The following ATAD1 variants were observed in gnomAD, a reference collection of about 807,000 sequenced individuals.
ATAD1 encodes the protein ATPase family AAA domain containing 1.
A neutral mutation model predicts 42.7 loss-of-function variants in ATAD1; 18 were observed. The ratio of observed to expected loss-of-function variants is 0.42; its 90% CI spans 0.29 to 0.63. The LOEUF (loss-of-function observed/expected upper bound fraction) is 0.63. Ranked by LOEUF, ATAD1 falls within the 20% of genes least tolerant of loss-of-function variation. The probability of loss-of-function intolerance (pLI) is 0.19; values close to 1 mark genes in which losing one functional copy is unlikely to be tolerated. For synonymous variants in ATAD1, 132 were observed against 143.1 expected (o/e 0.92, Z 0.55); for missense variants, 294 against 440.4 (o/e 0.67, Z 2.98).
upstream of ATAD1, among the ~76,000 whole-genome samples, chr10:87,822,017 G>A (rs1857640879): frequency 6.6e-6 from 1 of 152,202 alleles, no homozygotes; most frequent in Admixed American, 6.5e-5. Flanking sequence ...AGAAATCAAG[G>A]CAAGGAAGCC....
At chr10:87,790,197 T>G in intron 4 of ATAD1, 113 bp downstream of exon 4, 1 of 1,249,468 alleles carries the variant, frequency 8.0e-7, no homozygotes, top group South Asian at 1.4e-5. Flanking sequence ...TTCACATAGA[T>G]CTCAGCATCC....
rs1856040230 is a variant in ATAD1 at position 87,790,400 on chromosome 10, C to A, written c.292G>T (p.Asp98Tyr). The A allele has an allele frequency of 1.2e-6, 2 of 1,611,490 alleles. No homozygotes were observed. Among genetic ancestry groups the A allele is most frequent in the Non-Finnish European group, 1.7e-6 (2 of 1,179,526 alleles). Residue 98 changes from aspartate (D) to tyrosine (Y), a missense_variant, in exon 4 of 10, where the codon GAT (aspartate) becomes TAT (tyrosine). Asp to Tyr is a radical substitution (Grantham distance 160). Around this residue, in one of 3 missense-constraint regions of ATAD1, gnomAD observed 121 missense variants for 187.3 expected, o/e 0.65. Transcript: ENST00000680024. ...GTGTCTTTCAGATCCGTAATGACAT[C>A]ATCTAAACCTGCTATATCACTCCAA... Reference protein sequence around the residue: ...VTWSDIAGLDDVITDLKDTVI... With the variant: ...VTWSDIAGLDYVITDLKDTVI...
At chr10:87,755,664 T>C (rs1854186167) in intron 9 of ATAD1, among the ~76,000 whole-genome samples, 1 of 152,086 alleles carries the variant, frequency 6.6e-6, no homozygotes, top group East Asian at 1.9e-4. Context: ...ACCCTAGCAC[T>C]TTGGGAGGCC....
intron 3 of ATAD1, 29 bp downstream of exon 3, chr10:87,792,628 A>AAAAAATAAAT: frequency 2.0e-6 from 3 of 1,495,364 alleles, no homozygotes; most frequent in East Asian, 2.3e-5. Flanking sequence ...ACCTCTAAAA[A>AAAAAATAAAT]AATCTTAAAT....
intron 6 of ATAD1, among the ~76,000 whole-genome samples, chr10:87,775,533 A>AG (rs954177182): frequency 1.6e-5 from 2 of 128,852 alleles, no homozygotes; most frequent in African/African-American, 3.0e-5. Context: ...AAAAAAAAAA[A>AG]GGGAAAATGG....
At chr10:87,813,408 G>C (rs977915017) in intron 2 of ATAD1, among the ~76,000 whole-genome samples, 5 of 150,816 alleles carry the variant, frequency 3.3e-5, no homozygotes, top group Non-Finnish European at 7.4e-5. Context: ...TTACAAATAG[G>C]CTGATAATAT....
At chr10:87,812,537 A>G (rs922277985) in intron 2 of ATAD1, among the ~76,000 whole-genome samples, 1 of 152,192 alleles carries the variant, frequency 6.6e-6, no homozygotes, top group Non-Finnish European at 1.5e-5. Flanking sequence ...TGCTGGGATT[A>G]TAGGCGTGAG....
At chr10:87,784,141 G>A (rs969562602) in intron 5 of ATAD1, among the ~76,000 whole-genome samples, 2 of 152,220 alleles carry the variant, frequency 1.3e-5, no homozygotes, top group African/African-American at 2.4e-5. Context: ...ATCCTAGTGA[G>A]GTTGAAGATA....
chr10:87,795,671 T>C (rs764309576), intron 2 of ATAD1, among the ~76,000 whole-genome samples: 1 of 152,112 alleles, frequency 6.6e-6, no homozygotes, highest in Non-Finnish European at 1.5e-5. Flanking sequence ...TTTTTCTCCA[T>C]GCAAAGTATT....
chr10:87,799,157 A>G (rs920974136), intron 2 of ATAD1, among the ~76,000 whole-genome samples: 2 of 152,198 alleles, frequency 1.3e-5, no homozygotes, highest in Non-Finnish European at 2.9e-5. Context: ...AATATTAGAA[A>G]TATCTTAAGA....
chr10:87,811,469 T>A (rs1857180536), intron 2 of ATAD1, among the ~76,000 whole-genome samples: 1 of 152,248 alleles, frequency 6.6e-6, no homozygotes, highest in South Asian at 2.1e-4. Flanking sequence ...ATCATCTTTC[T>A]ATACCCTAAA....
At chr10:87,770,337 A>T (rs1589477468) in intron 7 of ATAD1, among the ~76,000 whole-genome samples, 1 of 152,336 alleles carries the variant, frequency 6.6e-6, no homozygotes, top group Non-Finnish European at 1.5e-5. Context: ...ACAGAATTCA[A>T]GATTTGAAGA....
intron 1 of ATAD1, 196 bp from the exon 2 acceptor site, chr10:87,814,808 C>G: frequency 3.0e-6 from 1 of 335,932 alleles, no homozygotes; most frequent in East Asian, 4.8e-5. Flanking sequence ...TTTAAAGCTC[C>G]TCTTGCAAAC....
chr10:87,834,463 A>G (rs1368273588), intron 1 of ATAD1, among the ~76,000 whole-genome samples: 3 of 152,278 alleles, frequency 2.0e-5, no homozygotes, highest in Non-Finnish European at 2.9e-5. Flanking sequence ...ATTTCTTTAC[A>G]GGTATAGGAT....
intron 1 of ATAD1, among the ~76,000 whole-genome samples, chr10:87,839,715 C>T (rs1486508858): frequency 1.3e-5 from 2 of 152,052 alleles, no homozygotes; most frequent in Non-Finnish European, 2.9e-5. Context: ...TCCCCCCCGC[C>T]GCCCCCAGTA....
chr10:87,792,518 A>C, intron 3 of ATAD1, 139 bp downstream of exon 3: 1 of 630,240 alleles, frequency 1.6e-6, no homozygotes, highest in Non-Finnish European at 2.8e-6. Context: ...CATATACAGG[A>C]ATACAACTAT....
At chr10:87,757,525 C>T (rs1317370076) in intron 8 of ATAD1, among the ~76,000 whole-genome samples, 1 of 152,096 alleles carries the variant, frequency 6.6e-6, no homozygotes, top group Non-Finnish European at 1.5e-5. Context: ...ATTCTTATGT[C>T]TCATTCACTG....
chr10:87,791,294 C>T (rs1191864492), intron 3 of ATAD1, among the ~76,000 whole-genome samples: 1 of 150,580 alleles, frequency 6.6e-6, no homozygotes, highest in Non-Finnish European at 1.5e-5. Context: ...TCAAAATAGA[C>T]AAGAAAAACC....
At chr10:87,769,691 G>A (rs1040371419) in intron 7 of ATAD1, among the ~76,000 whole-genome samples, 2 of 152,182 alleles carry the variant, frequency 1.3e-5, no homozygotes, top group African/African-American at 4.8e-5. Flanking sequence ...ACTCATGCCT[G>A]TAATCCCACT....
Sources: gnomAD v4.1 joint callset for allele counts (sites outside exome capture counted in the v4.1 genomes callset) on GRCh38, gnomAD v4.1.1 for gene constraint, gnomAD v4.1.1 regional missense constraint, MANE v1.5 for transcripts, NCBI Gene and HGNC (gene_info 2026-07-23, HGNC 2026-07-21) for gene names.